ARHGAP15: variants seen among roughly 807,000 people sequenced by gnomAD.
ARHGAP15 encodes the protein Rho GTPase activating protein 15.
In ARHGAP15, 51 loss-of-function variants were observed where a neutral mutation model predicts 63.7. That is an observed-to-expected ratio of 0.80 (90% CI 0.64 to 1.01). The LOEUF (loss-of-function observed/expected upper bound fraction) is 1.01. Among genes scored for constraint, ARHGAP15 ranks in the 50% least tolerant of loss-of-function variants. The probability of loss-of-function intolerance (pLI) is 0.00; values close to 1 mark genes in which losing one functional copy is unlikely to be tolerated. For missense variants in ARHGAP15, 560 were observed against 564.6 expected, an observed-to-expected ratio of 0.99 and a Z score of 0.08; for synonymous variants, 191 against 193.8, an observed-to-expected ratio of 0.99 and a Z score of 0.12.
intron 2 of ARHGAP15, among the ~76,000 whole-genome samples, chr2:143,186,382 C>CT (rs1691449302): frequency 6.6e-6 from 1 of 151,890 alleles, no homozygotes; most frequent in Non-Finnish European, 1.5e-5. Context: ...AATTCTTGTT[C>CT]TTGGGGGGAA....
intron 9 of ARHGAP15, among the ~76,000 whole-genome samples, chr2:143,495,966 T>C (rs974017477): frequency 1.3e-5 from 2 of 152,226 alleles, no homozygotes; most frequent in Non-Finnish European, 2.9e-5. Context: ...TGCACTAATG[T>C]GCTTAAAAAT....
intron 9 of ARHGAP15, among the ~76,000 whole-genome samples, chr2:143,502,536 A>G (rs1292873914): frequency 6.6e-6 from 1 of 152,092 alleles, no homozygotes; most frequent in Non-Finnish European, 1.5e-5. Flanking sequence ...AATACTACCC[A>G]AAGCCTAGAG....
At chr2:143,539,574 G>A (rs1012742690) in intron 10 of ARHGAP15, among the ~76,000 whole-genome samples, 5 of 151,982 alleles carry the variant, frequency 3.3e-5, no homozygotes, top group African/African-American at 1.2e-4. Context: ...ATTCTGGTAT[G>A]TTGTGTCTTT....
chr2:143,449,109 C>T (rs1690279948), intron 8 of ARHGAP15, among the ~76,000 whole-genome samples: 1 of 152,008 alleles, frequency 6.6e-6, no homozygotes, highest in African/African-American at 2.4e-5. Context: ...TGAGAAAGAA[C>T]CAAGACTTAC....
chr2:143,589,990 A>G (rs1272760751), intron 11 of ARHGAP15, among the ~76,000 whole-genome samples: 1 of 152,178 alleles, frequency 6.6e-6, no homozygotes, highest in Non-Finnish European at 1.5e-5. Flanking sequence ...ACAGTATGAA[A>G]CAGGATACTT....
chr2:143,739,335 C>T (rs959392034), intron 13 of ARHGAP15, among the ~76,000 whole-genome samples: 2 of 151,932 alleles, frequency 1.3e-5, no homozygotes, highest in African/African-American at 2.4e-5. Flanking sequence ...AAAGTAAAAC[C>T]GAGAATCAAT....
intron 11 of ARHGAP15, among the ~76,000 whole-genome samples, chr2:143,584,502 T>A (rs779688290): frequency 6.6e-6 from 1 of 152,066 alleles, no homozygotes; most frequent in African/African-American, 2.4e-5. Context: ...GGCAGGCACC[T>A]GTAATCCCAG....
chr2:143,287,042 T>TAA (rs1682140956), intron 6 of ARHGAP15, among the ~76,000 whole-genome samples: 1 of 152,144 alleles, frequency 6.6e-6, no homozygotes, highest in South Asian at 2.1e-4. Flanking sequence ...CTTAGGAGTC[T>TAA]AAAGTTCTAG....
intron 12 of ARHGAP15, among the ~76,000 whole-genome samples, chr2:143,640,052 A>T (rs574884397): frequency 6.6e-6 from 1 of 152,128 alleles, no homozygotes; most frequent in South Asian, 2.1e-4. Flanking sequence ...TGAGTTAAAT[A>T]CACAAAACTG....
intron 10 of ARHGAP15, among the ~76,000 whole-genome samples, chr2:143,545,263 G>A (rs753096199): frequency 2.0e-5 from 3 of 152,102 alleles, no homozygotes; most frequent in Non-Finnish European, 4.4e-5. Context: ...CAAGCCAAAG[G>A]GTCTGAATTG....
intron 6 of ARHGAP15, among the ~76,000 whole-genome samples, chr2:143,354,821 T>G (rs1685738768): frequency 6.6e-6 from 1 of 152,180 alleles, no homozygotes; most frequent in African/African-American, 2.4e-5. Flanking sequence ...AATTAAATAT[T>G]AATGTCACAT....
chr2:143,473,578 C>A (rs188529549), intron 8 of ARHGAP15, among the ~76,000 whole-genome samples: 2 of 152,268 alleles, frequency 1.3e-5, no homozygotes, highest in Non-Finnish European at 2.9e-5. Context: ...GTCTTTCTCA[C>A]CATTCACAGT....
At chr2:143,499,402 TG>T (rs1467368675) in intron 9 of ARHGAP15, among the ~76,000 whole-genome samples, 11 of 152,156 alleles carry the variant, frequency 7.2e-5, no homozygotes, top group African/African-American at 2.4e-4. Flanking sequence ...AAAGAGTGAA[TG>T]ATTAAAGTGT....
At position 143,767,632 on chromosome 2, in the gene ARHGAP15, T is replaced by TA. The variant is rs1169515004; in HGVS notation, c.1245-357_1245-356insA. Among the ~76,000 whole-genome samples the TA allele has an allele frequency of 3.2e-4, 49 of 152,158 alleles. 1 individual carries two copies. The highest frequency in any genetic ancestry group is 6.6e-4 in the Non-Finnish European group (45 of 68,016). On this transcript the variant is annotated intron_variant, in intron 13 of 13. Coordinates refer to ENST00000295095, the MANE Select transcript of ARHGAP15 (RefSeq NM_018460.4). ...TTTCATTTGGGTTCTTATATATATA[T>TA]TTTTTTGCATGCCTCTCACCTGTTT...
At chr2:143,375,867 C>G (rs1206001687) in intron 6 of ARHGAP15, among the ~76,000 whole-genome samples, 1 of 152,170 alleles carries the variant, frequency 6.6e-6, no homozygotes, top group Non-Finnish European at 1.5e-5. Context: ...ATAGATTTTA[C>G]TTTTTTCGGT....
chr2:143,665,738 A>G (rs1387645791), intron 12 of ARHGAP15, among the ~76,000 whole-genome samples: 2 of 151,326 alleles, frequency 1.3e-5, no homozygotes, highest in South Asian at 2.1e-4. Context: ...TACAAAATCA[A>G]TGTACAAAAA....
intron 1 of ARHGAP15, among the ~76,000 whole-genome samples, chr2:143,130,509 T>TA (rs1688878740): frequency 6.6e-6 from 1 of 152,128 alleles, no homozygotes. Flanking sequence ...TTTGTGTTAT[T>TA]AAAAAATGGT....
chr2:143,438,278 C>G (rs1400633021), intron 8 of ARHGAP15, among the ~76,000 whole-genome samples: 1 of 152,000 alleles, frequency 6.6e-6, no homozygotes, highest in East Asian at 1.9e-4. Context: ...CATACACATA[C>G]ACACGTATGT....
At chr2:143,296,962 T>C (rs114943608) in intron 6 of ARHGAP15, among the ~76,000 whole-genome samples, 1 of 151,986 alleles carries the variant, frequency 6.6e-6, no homozygotes, top group African/African-American at 2.4e-5. Context: ...TAGCCAAATA[T>C]ACCTTTTTTT....
Sources: gnomAD v4.1 joint callset for allele counts (sites outside exome capture counted in the v4.1 genomes callset) on GRCh38, gnomAD v4.1.1 for gene constraint, MANE v1.5 for transcripts, NCBI Gene and HGNC (gene_info 2026-07-23, HGNC 2026-07-21) for gene names.